PANK2: variants seen among roughly 807,000 people sequenced by gnomAD.
The protein encoded by PANK2 is pantothenate kinase 2.
PANK2 carries 36 observed loss-of-function variants against 43.1 expected under a neutral mutation model. The observed-to-expected ratio is 0.84, with a 90% CI of 0.64 to 1.10. The LOEUF (loss-of-function observed/expected upper bound fraction) is 1.10, where lower values mean the gene tolerates loss of function less well. PANK2 is among the 50% of genes least tolerant of loss of function. The pLI is 0.00. For missense variants in PANK2, 576 were observed against 593.3 expected (o/e 0.97, Z 0.30); for synonymous variants, 281 against 238.2 (o/e 1.18, Z -1.66).
intron 1 of PANK2, among the ~76,000 whole-genome samples, chr20:3,897,050 A>T (rs2090220633): frequency 6.6e-6 from 1 of 152,168 alleles, no homozygotes; most frequent in Non-Finnish European, 1.5e-5. Flanking sequence ...ATCTCCAGGT[A>T]CATAGTCGTT....
rs982382449 is a variant in PANK2 at position 3,926,321 on chromosome 20, C to G, written c.*3027C>G. The G allele has an allele frequency of 6.6e-6, 1 of 152,208 alleles. No individual in the cohort carries two copies. Among genetic ancestry groups the G allele is most frequent in the Non-Finnish European group, 1.5e-5 (1 of 68,150 alleles). 9.4% of individuals were successfully genotyped at this position (152,208 alleles called of 1,614,324 possible). On this transcript the variant is annotated 3_prime_UTR_variant, in exon 7 of 7. Coordinates refer to ENST00000610179, the MANE Select transcript of PANK2 (RefSeq NM_001386393.1). ...AAAATAACCGAGAGTTGAGCAGTGACGGAGGAAGCTGCAAAGAAAACGACT... is the reference window on the plus strand; with the variant it reads ...AAAATAACCGAGAGTTGAGCAGTGAGGGAGGAAGCTGCAAAGAAAACGACT...
chr20:3,908,284 C>A lies in PANK2; in HGVS notation c.651+6C>A. On this transcript the variant is annotated splice_donor_region_variant and intron_variant, in intron 2 of 6. Transcript: ENST00000610179. Reference sequence around the variant, plus strand: ...TTGAGCAGGATTTTCTCACAGTATGCATTTTTTAGCTTATATACAATTTAT... The same window carrying A: ...TTGAGCAGGATTTTCTCACAGTATGAATTTTTTAGCTTATATACAATTTAT... 1 of 1,581,482 alleles carries A rather than the reference C, an allele frequency of 6.3e-7. No homozygotes were observed. Among genetic ancestry groups the A allele is most frequent in the Non-Finnish European group, 8.6e-7 (1 of 1,160,118 alleles).
chr20:3,923,636 G>A lies in PANK2; in HGVS notation c.*342G>A. The A allele has an allele frequency of 2.6e-6, 1 of 377,492 alleles. No individual in the cohort carries two copies. Among genetic ancestry groups the A allele is most frequent in the Non-Finnish European group, 4.9e-6 (1 of 203,392 alleles). 23.4% of individuals were successfully genotyped at this position (377,492 alleles called of 1,614,324 possible). A position where few individuals can be genotyped will look rare whatever the true frequency, so the allele number is the denominator to read the frequency against. The stretch of plus-strand genomic sequence containing the variant: ...TCTGTGTTCAGTTGACTGGTTTTGT[G>A]TCCTGTTTGAACTTGCTGAATGTAA... On this transcript the variant is annotated 3_prime_UTR_variant, in exon 7 of 7. Transcript: ENST00000610179.
chr20:3,903,692 A>G (rs1333859434), intron 1 of PANK2, among the ~76,000 whole-genome samples: 1 of 145,436 alleles, frequency 6.9e-6, no homozygotes, highest in Non-Finnish European at 1.5e-5. Context: ...CAGTGGTGTG[A>G]TCTCGGCTCA....
rs1230012503 is a variant in PANK2 at position 3,927,493 on chromosome 20, GT to G, written c.*4200del. ...TGCAGAATTTTTAGTGTACAAAGAC[GT>G]CTATGAAACCTGAGGTTCAGCATTT... is the stretch of plus-strand genomic sequence containing the variant. On this transcript the variant is annotated 3_prime_UTR_variant, in exon 7 of 7. Coordinates refer to ENST00000610179, the MANE Select transcript of PANK2 (RefSeq NM_001386393.1). 1 of 152,164 alleles carries G rather than the reference GT, an allele frequency of 6.6e-6. No individual in the cohort carries two copies. The highest frequency in any genetic ancestry group is 1.5e-5 in the Non-Finnish European group (1 of 68,034). The allele number at this position is 152,164 out of a possible 1,614,324, so 9.4% of individuals were successfully genotyped here. A position where few individuals can be genotyped will look rare whatever the true frequency, so the allele number is the denominator to read the frequency against.
intron 1 of PANK2, among the ~76,000 whole-genome samples, chr20:3,892,673 CAAAAAAA>C (rs763721845): frequency 9.6e-6 from 1 of 104,378 alleles, no homozygotes; most frequent in Non-Finnish European, 1.8e-5. Context: ...GACTCTGTCT[CAAAAAAA>C]AAAAAAAAAA....
intron 4 of PANK2, among the ~76,000 whole-genome samples, chr20:3,913,988 A>T (rs12480547): frequency 0.083 from 12,619 of 151,312 alleles, 568 homozygotes; most frequent in South Asian, 0.12. Flanking sequence ...ATGGGGTTTC[A>T]CTATGTTGGC....
chr20:3,903,138 C>CTT (rs58375342), intron 1 of PANK2, among the ~76,000 whole-genome samples: 12 of 140,748 alleles, frequency 8.5e-5, no homozygotes, highest in African/African-American at 3.2e-4. Flanking sequence ...ATTAGCTTGC[C>CTT]TTTTTTTTTT....
intron 1 of PANK2, among the ~76,000 whole-genome samples, chr20:3,897,460 G>A (rs1444986721): frequency 6.6e-6 from 1 of 152,154 alleles, no homozygotes; most frequent in Non-Finnish European, 1.5e-5. Flanking sequence ...CAGTACTTTG[G>A]GAGGCTGAGG....
intron 3 of PANK2, 84 bp downstream of exon 3, chr20:3,910,914 A>G (rs2146867847): frequency 6.7e-7 from 1 of 1,499,044 alleles, no homozygotes; most frequent in Non-Finnish European, 9.3e-7. Flanking sequence ...TACACCTTCA[A>G]GAACCTGTTA....
rs781106176 is a variant in PANK2, at chr20:3,889,562, C to T, written c.132C>T (p.Asp44=). The T allele has an allele frequency of 6.3e-5, 90 of 1,439,112 alleles. No homozygotes were observed. The highest frequency in any genetic ancestry group is 5.9e-4 in the East Asian group (21 of 35,540). 89.1% of individuals were successfully genotyped at this position (1,439,112 alleles called of 1,614,324 possible). A position where few individuals can be genotyped will look rare whatever the true frequency, so the allele number is the denominator to read the frequency against. The change falls in exon 1 of 7, where the codon GAC becomes GAT. Residue 44 remains aspartate (D), a synonymous_variant. Coordinates refer to ENST00000610179, the MANE Select transcript of PANK2 (RefSeq NM_001386393.1). Reference sequence around the variant, plus strand: ...CGGCTGGGGAGCAGGCGGCCGGGGACCCCGAAGGGCGGCGGCAGGAGCCAC... The same window carrying T: ...CGGCTGGGGAGCAGGCGGCCGGGGATCCCGAAGGGCGGCGGCAGGAGCCAC...
intron 3 of PANK2, among the ~76,000 whole-genome samples, chr20:3,911,831 G>T (rs1371946937): frequency 6.6e-6 from 1 of 152,030 alleles, no homozygotes; most frequent in African/African-American, 2.4e-5. Flanking sequence ...CAAAGGTTGC[G>T]GTGAGCCGAG....
chr20:3,915,125 A>G (rs1261172444), intron 4 of PANK2, among the ~76,000 whole-genome samples: 2 of 152,102 alleles, frequency 1.3e-5, no homozygotes, highest in Admixed American at 6.6e-5. Context: ...TGGAAATTTT[A>G]AATTTTGATG....
At chr20:3,910,313 T>G (rs1279155462) in intron 2 of PANK2, among the ~76,000 whole-genome samples, 2 of 151,980 alleles carry the variant, frequency 1.3e-5, no homozygotes, top group South Asian at 2.1e-4. Flanking sequence ...TTTTTGTTTT[T>G]TTTGTTTTTT....
intron 5 of PANK2, among the ~76,000 whole-genome samples, chr20:3,917,917 T>C (rs558592270): frequency 7.9e-5 from 12 of 152,366 alleles, no homozygotes; most frequent in Admixed American, 7.8e-4. Flanking sequence ...TAAATATACA[T>C]TTCATGGTTG....
intron 1 of PANK2, among the ~76,000 whole-genome samples, chr20:3,907,391 G>T (rs901268449): frequency 1.3e-5 from 2 of 152,214 alleles, no homozygotes; most frequent in Non-Finnish European, 1.5e-5. Flanking sequence ...GAGCCACTGC[G>T]CTTGGCCTAA....
chr20:3,902,990 C>T (rs1005790792), intron 1 of PANK2, among the ~76,000 whole-genome samples: 1 of 148,418 alleles, frequency 6.7e-6, no homozygotes, highest in Admixed American at 6.7e-5. Context: ...CACACACACA[C>T]ACACACACAC....
At chr20:3,901,745 A>G (rs183073148) in intron 1 of PANK2, 3 of 320,492 alleles carry the variant, frequency 9.4e-6, no homozygotes, top group African/African-American at 6.7e-5. Context: ...GCATTCATCT[A>G]CCAATTATGT....
chr20:3,925,205 A>C lies in PANK2; in HGVS notation c.*1911A>C, dbSNP rs1342304481. 1.3e-5 allele frequency: 2 copies of C among 152,270 alleles called. No homozygotes were observed. The highest frequency in any genetic ancestry group is 6.5e-5 in the Admixed American group (1 of 15,276). The allele number at this position is 152,270 out of a possible 1,614,324, so 9.4% of individuals were successfully genotyped here. A position where few individuals can be genotyped will look rare whatever the true frequency, so the allele number is the denominator to read the frequency against. On this transcript the variant is annotated 3_prime_UTR_variant, in exon 7 of 7. Transcript: ENST00000610179. ...TCTAGAGAAACTAGTCCATTCCCTC[A>C]TGTTCCACCTTGTGCTCAGTAAACC...
Sources: gnomAD v4.1 joint callset for allele counts (sites outside exome capture counted in the v4.1 genomes callset) on GRCh38, gnomAD v4.1.1 for gene constraint, MANE v1.5 for transcripts, NCBI Gene and HGNC (gene_info 2026-07-23, HGNC 2026-07-21) for gene names.